TRIM6: variants seen among roughly 807,000 people sequenced by gnomAD.
The protein encoded by TRIM6 is tripartite motif-containing protein 6.
TRIM6 carries 43 observed loss-of-function variants against 51.2 expected under a neutral mutation model. That is an observed-to-expected ratio of 0.84 (90% CI 0.66 to 1.08). The LOEUF is 1.08. Among genes scored for constraint, TRIM6 ranks in the 50% least tolerant of loss-of-function variants. The pLI, the probability that TRIM6 is intolerant of heterozygous loss-of-function variation, is 0.00. For synonymous variants in TRIM6, 215 were observed against 232.4 expected, an observed-to-expected ratio of 0.93 and a Z score of 0.68; for missense variants, 669 against 619.0, an observed-to-expected ratio of 1.08 and a Z score of -0.86.
chr11:5,610,986 G>T lies in TRIM6; in HGVS notation c.1195G>T (p.Val399Leu), dbSNP rs754190024. The change falls in exon 8 of 8, where the codon GTA becomes TTA. Residue 399 changes from valine (V) to leucine (L), a missense_variant. By Grantham distance (32) the Val-to-Leu change is conservative (BLOSUM62 1). Transcript: ENST00000380097. ...CAAGAAGACTGCCTGGATCCTGGGG[G>T]TATGCAGCAATTCACTGGGACCTAC... ...VAKKTAWILGVCSNSLGPTFS... is the reference protein window; with the variant it reads ...VAKKTAWILGLCSNSLGPTFS... 1.2e-6 allele frequency: 2 copies of T among 1,613,988 alleles called. No individual in the cohort carries two copies. The highest frequency in any genetic ancestry group is 1.7e-6 in the Non-Finnish European group (2 of 1,180,006).
chr11:5,604,451 A>C, intron 2 of TRIM6, 83 bp from the exon 3 acceptor site: 3 of 1,436,324 alleles, frequency 2.1e-6, no homozygotes, highest in Non-Finnish European at 2.8e-6. Context: ...AGGTTAGCAG[A>C]ATCTCTGTCC....
At chr11:5,597,646 C>T (rs1268814383) in intron 1 of TRIM6, among the ~76,000 whole-genome samples, 1 of 152,154 alleles carries the variant, frequency 6.6e-6, no homozygotes, top group Non-Finnish European at 1.5e-5. Context: ...AGCTGGTGGA[C>T]GGGCCCGCTC....
intron 1 of TRIM6, among the ~76,000 whole-genome samples, chr11:5,602,949 A>G (rs1847958846): frequency 6.6e-6 from 1 of 152,100 alleles, no homozygotes; most frequent in Non-Finnish European, 1.5e-5. Flanking sequence ...GTGAGTCTCC[A>G]TCTCAAAAAA....
In TRIM6 at chr11:5,603,773, G is replaced by A. The variant is rs138264218; in HGVS notation, c.507+38G>A. 523 of 1,601,924 alleles carry A rather than the reference G, an allele frequency of 3.3e-4. 3 individuals carry two copies. In the East Asian group the frequency reaches 0.01, roughly 32 times the overall value. On this transcript the variant is annotated intron_variant, in intron 2 of 7. Transcript: ENST00000380097. ...GATGGAATGGGAGACAGAGAAACAG[G>A]GTCTTTGGCAGGTTTTAACGTTTTA...
intron 3 of TRIM6, 50 bp from the exon 4 acceptor site, chr11:5,605,287 A>G: frequency 6.2e-7 from 1 of 1,611,108 alleles, no homozygotes. Flanking sequence ...AATAGAGGAG[A>G]CCCTCAGTGT....
At chr11:5,610,685 G>C in intron 7 of TRIM6, 92 bp from the exon 8 acceptor site, 2 of 1,571,088 alleles carry the variant, frequency 1.3e-6, no homozygotes, top group Non-Finnish European at 1.7e-6. Flanking sequence ...TATAGTTCCA[G>C]TTCCTCCAAC....
chr11:5,611,254 C>T lies in TRIM6; in HGVS notation c.1463C>T (p.Ser488Phe), dbSNP rs1281159159. ...CATGGCTTCCCCATCTACACTTTCT[C>T]TAAATATTACTTTCCCACTACTCTT... ...TNHGFPIYTF[S>F]KYYFPTTLCP... The change falls in exon 8 of 8, where the codon TCT becomes TTT. Residue 488 changes from serine (S) to phenylalanine (F), a missense_variant. Transcript: ENST00000380097. The T allele has an allele frequency of 1.2e-6, 2 of 1,614,052 alleles. No homozygotes were observed. The highest frequency in any genetic ancestry group is 1.7e-5 in the Admixed American group (1 of 60,012).
chr11:5,608,490 AAGATTCAAG>A, intron 5 of TRIM6, 96 bp downstream of exon 5: 1 of 1,570,094 alleles, frequency 6.4e-7, no homozygotes, highest in Admixed American at 1.8e-5. Context: ...CAGAGTGGGG[AAGATTCAAG>A]AGAGTAGTCT....
chr11:5,608,885 C>T (rs1848393404), intron 5 of TRIM6, among the ~76,000 whole-genome samples: 1 of 110,966 alleles, frequency 9.0e-6, no homozygotes, highest in Non-Finnish European at 1.7e-5. Context: ...GAGTTTCACT[C>T]TGTCGCCCAG....
chr11:5,603,809 A>G lies in TRIM6; in HGVS notation c.507+74A>G, dbSNP rs551887085. The G allele has an allele frequency of 4.5e-6, 7 of 1,547,444 alleles. No individual in the cohort carries two copies. In the East Asian group the frequency reaches 1.1e-4, roughly 25 times the overall value. ...GGTTTTAACGTTTTATCATGCTCTG[A>G]TCTAATCTCTTTGTAGTCTTTATTT... is the stretch of plus-strand genomic sequence containing the variant. On this transcript the variant is annotated intron_variant, in intron 2 of 7. Coordinates refer to ENST00000380097, the MANE Select transcript of TRIM6 (RefSeq NM_001003818.3).
At chr11:5,601,985 A>G (rs921515969) in intron 1 of TRIM6, among the ~76,000 whole-genome samples, 3 of 152,072 alleles carry the variant, frequency 2.0e-5, no homozygotes, top group African/African-American at 7.2e-5. Flanking sequence ...GTAGAGGATG[A>G]GGGGGTTCTG....
At position 5,598,046 on chromosome 11, in the gene TRIM6, G is replaced by T. The variant is rs543263367; in HGVS notation, c.17+1132G>T. Among the ~76,000 whole-genome samples the T allele has an allele frequency of 2.8e-4, 43 of 152,286 alleles. 1 individual carries two copies. In the South Asian group the frequency reaches 3.7e-3, roughly 13 times the overall value. On this transcript the variant is annotated intron_variant, in intron 1 of 7. Coordinates refer to ENST00000380097, the MANE Select transcript of TRIM6 (RefSeq NM_001003818.3). ...TCAGGCGTCTGGTTCTGATTTAATT[G>T]GTCCCACCTGGTTGTGAATTTGGGC...
At chr11:5,608,238 T>C in intron 4 of TRIM6, 134 bp from the exon 5 acceptor site, 1 of 1,355,096 alleles carries the variant, frequency 7.4e-7, no homozygotes, top group Non-Finnish European at 9.9e-7. Context: ...CTGAGTTTTT[T>C]CTCTACTTTG....
At chr11:5,604,881 A>G in intron 3 of TRIM6, 1 of 467,974 alleles carries the variant, frequency 2.1e-6, no homozygotes, top group South Asian at 3.2e-5. Flanking sequence ...CCAATTCATA[A>G]TTCTGGGTCT....
intron 5 of TRIM6, 59 bp downstream of exon 5, chr11:5,608,453 A>T: frequency 6.2e-7 from 1 of 1,605,528 alleles, no homozygotes; most frequent in South Asian, 1.1e-5. Flanking sequence ...TCCTTTACCC[A>T]TGATCAGTGG....
intron 3 of TRIM6, chr11:5,604,865 G>T (rs923517641): frequency 1.9e-5 from 9 of 485,190 alleles, no homozygotes; most frequent in Non-Finnish European, 2.2e-5. Context: ...ATGGCTAGGG[G>T]TCGCCCCAAT....
In TRIM6 at chr11:5,608,847, A is replaced by ATTTTTTTTTTTTTTT. The variant is rs370630648; in HGVS notation, c.857+460_857+474dup. Among the ~76,000 whole-genome samples the ATTTTTTTTTTTTTTT allele has an allele frequency of 5.9e-5, 6 of 101,892 alleles. 1 individual carries two copies. Among genetic ancestry groups the ATTTTTTTTTTTTTTT allele is most frequent in the African/African-American group, 1.3e-4 (3 of 23,376 alleles). 66.8% of individuals were successfully genotyped at this position (101,892 alleles called of 152,430 possible). A position where few individuals can be genotyped will look rare whatever the true frequency, so the allele number is the denominator to read the frequency against. ...ACACAGGAATTTTCTTTGCCCATAA[A>ATTTTTTTTTTTTTTT]TTTTTTTTTTTTTTTTTTTTTGAGA... On this transcript the variant is annotated intron_variant, in intron 5 of 7. Coordinates refer to ENST00000380097, the MANE Select transcript of TRIM6 (RefSeq NM_001003818.3).
intron 3 of TRIM6, 66 bp downstream of exon 3, chr11:5,604,695 C>T (rs1309364038): frequency 2.0e-6 from 3 of 1,527,256 alleles, no homozygotes; most frequent in Non-Finnish European, 1.8e-6. Flanking sequence ...GAGCTGAGGG[C>T]AAAGGAGTCC....
Position 5,610,528 on chromosome 11 carries a change from A to T in TRIM6, c.959-7A>T, listed in dbSNP as rs1225536366. The T allele has an allele frequency of 6.2e-7, 1 of 1,614,120 alleles. No individual in the cohort carries two copies. The highest frequency in any genetic ancestry group is 1.7e-5 in the Admixed American group (1 of 60,014). ...TTCAACATTATTGACTCTTTTCATC[A>T]TTACAGAGCTGACAGATGTCCAAAG... is the stretch of plus-strand genomic sequence containing the variant. On this transcript the variant is annotated splice_polypyrimidine_tract_variant and splice_region_variant and intron_variant, in intron 6 of 7. Transcript: ENST00000380097.
Sources: allele counts gnomAD v4.1 joint callset (sites outside exome capture counted in the v4.1 genomes callset), GRCh38; gene constraint gnomAD v4.1.1; transcripts MANE v1.5; gene names NCBI Gene and HGNC (gene_info 2026-07-23, HGNC 2026-07-21).